The following APOBEC3F variants were observed in gnomAD, a reference collection of about 807,000 sequenced individuals.
APOBEC3F encodes DNA dC->dU-editing enzyme APOBEC-3F.
APOBEC3F carries 34 observed loss-of-function variants against 45.8 expected under a neutral mutation model. That is an observed-to-expected ratio of 0.74 (90% confidence interval 0.57 to 0.99). APOBEC3F has a LOEUF of 0.99. Among genes scored for constraint, APOBEC3F ranks in the 50% least tolerant of loss-of-function variants. APOBEC3F has a pLI of 0.00. For missense variants in APOBEC3F, 459 were observed against 474.1 expected, an observed-to-expected ratio of 0.97 and a Z score of 0.30; for synonymous variants, 192 against 174.4, an observed-to-expected ratio of 1.10 and a Z score of -0.80.
intron 5 of APOBEC3F, among the ~76,000 whole-genome samples, chr22:39,050,853 GGCTGAGGAT>G (rs1344273135): frequency 6.6e-6 from 1 of 152,152 alleles, no homozygotes; most frequent in Non-Finnish European, 1.5e-5. Flanking sequence ...CCACAGCAGG[GGCTGAGGAT>G]GCCCGGTTAA....
chr22:39,052,050 G>T (rs779657121), intron 5 of APOBEC3F, 24 bp from the exon 6 acceptor site: 1 of 1,610,120 alleles, frequency 6.2e-7, no homozygotes, highest in South Asian at 1.1e-5. Context: ...GAGCTCCCCT[G>T]CCCTCCTCCT....
At chr22:39,042,664 G>A (rs946649431) in intron 1 of APOBEC3F, among the ~76,000 whole-genome samples, 3 of 152,138 alleles carry the variant, frequency 2.0e-5, no homozygotes, top group African/African-American at 7.2e-5. Flanking sequence ...ATGGGTGGGA[G>A]AAATACTGGG....
At chr22:39,043,318 G>A (rs1269720879) in intron 2 of APOBEC3F, among the ~76,000 whole-genome samples, 1 of 84,834 alleles carries the variant, frequency 1.2e-5, no homozygotes, top group Non-Finnish European at 2.4e-5. Flanking sequence ...TTTTTTTTTT[G>A]AGACAGAGTT....
In APOBEC3F at chr22:39,052,615, G is replaced by C. The variant is rs1446490996; in HGVS notation, c.1042G>C (p.Asp348His). Reference protein sequence around the residue: ...YCWENFVYNDDEPFKPWKGLK... With the variant: ...YCWENFVYNDHEPFKPWKGLK... Reference sequence around the variant, plus strand: ...TTGGGAAAACTTTGTGTACAATGATGATGAGCCATTCAAGCCTTGGAAAGG... The same window carrying C: ...TTGGGAAAACTTTGTGTACAATGATCATGAGCCATTCAAGCCTTGGAAAGG... The change falls in exon 7 of 7, where the codon GAT becomes CAT. Residue 348 changes from aspartate (D) to histidine (H), a missense_variant. Coordinates refer to ENST00000308521, the MANE Select transcript of APOBEC3F (RefSeq NM_145298.6). 6.2e-6 allele frequency: 10 copies of C among 1,613,982 alleles called. No homozygotes were observed. Among genetic ancestry groups the C allele is most frequent in the East Asian group, 2.2e-5 (1 of 44,884 alleles).
Position 39,052,260 on chromosome 22 carries a change from G to A in APOBEC3F, c.910G>A (p.Ala304Thr), listed in dbSNP as rs749030868. The A allele has an allele frequency of 1.1e-5, 18 of 1,614,080 alleles. No homozygotes were observed. The highest frequency in any genetic ancestry group is 2.2e-5 in the South Asian group (2 of 91,084). The part of the protein sequence containing the change: ...HSNVNLTIFT[A>T]RLYYFWDTDY... ...CAACGTGAATCTCACCATCTTCACCGCCCGCCTCTACTACTTCTGGGATAC... is the reference window on the plus strand; with the variant it reads ...CAACGTGAATCTCACCATCTTCACCACCCGCCTCTACTACTTCTGGGATAC... Residue 304 changes from alanine (A) to threonine (T), a missense_variant, in exon 6 of 7, where the codon GCC becomes ACC. Physicochemically the swap from Ala to Thr is moderately conservative, Grantham distance 58. Transcript: ENST00000308521.
chr22:39,042,498 G>C (rs1015574447), intron 1 of APOBEC3F, among the ~76,000 whole-genome samples: 1 of 152,034 alleles, frequency 6.6e-6, no homozygotes, highest in African/African-American at 2.4e-5. Context: ...TTTTAGTAGA[G>C]ACTGGGTTTC....
chr22:39,042,901 T>G, intron 1 of APOBEC3F, 36 bp from the exon 2 acceptor site: 1 of 1,612,434 alleles, frequency 6.2e-7, no homozygotes, highest in Admixed American at 1.7e-5. Flanking sequence ...CCGGGAGCGC[T>G]CTCTACATTG....
At chr22:39,043,119 G>C in intron 2 of APOBEC3F, 29 bp downstream of exon 2, 1 of 1,613,224 alleles carries the variant, frequency 6.2e-7, no homozygotes, top group Non-Finnish European at 8.5e-7. Flanking sequence ...TCACTTTGCA[G>C]GCAGGAGCTA....
At chr22:39,044,823 G>A in intron 2 of APOBEC3F, 118 bp from the exon 3 acceptor site, 1 of 938,352 alleles carries the variant, frequency 1.1e-6, no homozygotes, top group Non-Finnish European at 1.6e-6. Context: ...TGGAGGAAAG[G>A]AGCTTCAATG....
chr22:39,045,685 T>A, intron 4 of APOBEC3F, 143 bp downstream of exon 4: 5 of 1,453,712 alleles, frequency 3.4e-6, no homozygotes, highest in Non-Finnish European at 4.7e-6. Flanking sequence ...ACACTCCTTG[T>A]GCTCCTTCCC....
At chr22:39,051,265 G>T (rs34138553) in intron 5 of APOBEC3F, among the ~76,000 whole-genome samples, 2 of 151,776 alleles carry the variant, frequency 1.3e-5, no homozygotes, top group African/African-American at 4.8e-5. Flanking sequence ...ACGGCCAGGT[G>T]CAGTGGTTCA....
In APOBEC3F at chr22:39,049,825, G is replaced by C. The variant is rs1601501303; in HGVS notation, c.723+244G>C. ...AGCAATTCTTCTGTCTCAGCCTCCT[G>C]AGTAGCTGGGATTACAGGTGCCCAC... On this transcript the variant is annotated intron_variant, in intron 5 of 6. Transcript: ENST00000308521. 3.3e-5 allele frequency among the ~76,000 whole-genome samples: 5 copies of C among 151,516 alleles called. No homozygotes were observed. In the South Asian group the frequency reaches 1.0e-3, roughly 32 times the overall value.
At position 39,045,007 on chromosome 22, in the gene APOBEC3F, C is replaced by T. The variant is rs763857502; in HGVS notation, c.238C>T (p.Pro80Ser). 3.1e-6 allele frequency: 5 copies of T among 1,614,038 alleles called. No individual in the cohort carries two copies. Among genetic ancestry groups the T allele is most frequent in the Non-Finnish European group, 4.2e-6 (5 of 1,179,998 alleles). ...CTCTTGGTTCTGTGGCAACCAGCTG[C>T]CTGCTTACAAGTGTTTCCAGATCAC... Reference protein sequence around the residue: ...FLSWFCGNQLPAYKCFQITWF... With the variant: ...FLSWFCGNQLSAYKCFQITWF... Residue 80 changes from proline to serine, a missense_variant, in exon 3 of 7, where the codon CCT becomes TCT. Physicochemically the swap from Pro to Ser is moderately conservative, Grantham distance 74. Coordinates refer to ENST00000308521, the MANE Select transcript of APOBEC3F (RefSeq NM_145298.6).
At chr22:39,045,567 C>G in intron 4 of APOBEC3F, 25 bp downstream of exon 4, 2 of 1,613,764 alleles carry the variant, frequency 1.2e-6, no homozygotes, top group Non-Finnish European at 1.7e-6. Context: ...CTGGCCTCAT[C>G]GTCTGTCTCC....
intron 4 of APOBEC3F, among the ~76,000 whole-genome samples, chr22:39,049,176 C>A (rs976682795): frequency 1.3e-5 from 2 of 152,036 alleles, no homozygotes. Flanking sequence ...GGTTGGGAGA[C>A]GTGTGGCAGA....
intron 2 of APOBEC3F, chr22:39,044,536 G>C (rs5757444): frequency 0.53 from 322,923 of 604,612 alleles, 88,271 homozygotes; most frequent in East Asian, 0.71. Flanking sequence ...GGATGCTCCA[G>C]ACAGAGTGGC....
At chr22:39,042,705 G>C (rs1926977280) in intron 1 of APOBEC3F, among the ~76,000 whole-genome samples, 1 of 152,170 alleles carries the variant, frequency 6.6e-6, no homozygotes, top group Non-Finnish European at 1.5e-5. Context: ...GGAACGACCA[G>C]AGCTGGACCC....
intron 2 of APOBEC3F, chr22:39,044,030 C>A: frequency 6.7e-7 from 1 of 1,491,538 alleles, no homozygotes; most frequent in South Asian, 1.3e-5. Context: ...CGTCTCAAAA[C>A]AAAAACAAAA....
intron 5 of APOBEC3F, among the ~76,000 whole-genome samples, chr22:39,050,913 C>A (rs1228432646): frequency 6.6e-6 from 1 of 152,138 alleles, no homozygotes; most frequent in Non-Finnish European, 1.5e-5. Context: ...CACACATGAC[C>A]TATGATGAGA....
Sources: allele counts gnomAD v4.1 joint callset (sites outside exome capture counted in the v4.1 genomes callset), GRCh38; gene constraint gnomAD v4.1.1; transcripts MANE v1.5; gene names NCBI Gene and HGNC (gene_info 2026-07-23, HGNC 2026-07-21).